Variants in ABCA4 observed in about 807,000 individuals in gnomAD.
The protein encoded by ABCA4 is ATP binding cassette subfamily A member 4, also known as retinal-specific phospholipid-transporting ATPase ABCA4.
In ABCA4, 196 loss-of-function variants were observed where a neutral mutation model predicts 263.7. That is an observed-to-expected ratio of 0.74 (90% CI 0.66 to 0.84). ABCA4 has a LOEUF of 0.84. ABCA4 is among the 40% of genes least tolerant of loss of function. The pLI is 0.00. For missense variants in ABCA4, 2,792 were observed against 2,855.1 expected (o/e 0.98, Z 0.50); for synonymous variants, 1,133 against 1,094.2 (o/e 1.04, Z -0.70).
chr1:94,114,639 A>C (rs1570435611), intron 1 of ABCA4, among the ~76,000 whole-genome samples: 1 of 152,102 alleles, frequency 6.6e-6, no homozygotes, highest in East Asian at 1.9e-4. Flanking sequence ...GGTGCCCACC[A>C]CCATGCCCGG....
At chr1:94,015,443 T>C (rs1002633085) in intron 37 of ABCA4, among the ~76,000 whole-genome samples, 7 of 141,610 alleles carry the variant, frequency 4.9e-5, no homozygotes, top group African/African-American at 1.9e-4. Flanking sequence ...GGTTGGGGAA[T>C]GGCTGCCCCC....
intron 22 of ABCA4, 77 bp downstream of exon 22, chr1:94,042,684 T>C: frequency 1.3e-6 from 2 of 1,592,640 alleles, no homozygotes; most frequent in Non-Finnish European, 1.7e-6. Context: ...AGCTACAAAA[T>C]GGCAGGTGAG....
intron 2 of ABCA4, among the ~76,000 whole-genome samples, chr1:94,112,715 A>T (rs186931162): frequency 5.3e-5 from 8 of 152,342 alleles, no homozygotes; most frequent in Non-Finnish European, 1.2e-4. Context: ...GGATCACTTG[A>T]GCCCAAGAGA....
rs145631496 is a variant in ABCA4 at position 94,060,061 on chromosome 1, A to G, written c.2160+476T>C. ...TGGTGAAGCCATGTAGGAGGTGACC[A>G]TGATGATGATAAGTAAATAATCCAG... is the stretch of plus-strand genomic sequence containing the variant. On this transcript the variant is annotated intron_variant, in intron 14 of 49. Transcript: ENST00000370225. Among the ~76,000 whole-genome samples, 84 of 152,322 alleles carry G rather than the reference A, an allele frequency of 5.5e-4. 1 individual carries two copies. The East Asian group carries it at 0.016, about 28-fold the overall frequency.
chr1:94,031,700 G>A, intron 27 of ABCA4, 78 bp downstream of exon 27: 1 of 1,587,102 alleles, frequency 6.3e-7, no homozygotes, highest in South Asian at 1.1e-5. Context: ...ACCCATGCCT[G>A]AAGGAACACT....
chr1:94,017,657 T>C (rs1327844480), intron 36 of ABCA4, among the ~76,000 whole-genome samples: 1 of 152,034 alleles, frequency 6.6e-6, no homozygotes, highest in Admixed American at 6.5e-5. Context: ...TGTTGACAGT[T>C]TGTGTTGTGG....
In ABCA4 at chr1:94,025,029, T is replaced by C; in HGVS notation, c.4559A>G (p.Glu1520Gly). The change falls in exon 31 of 50, where the codon GAA becomes GGA. Residue 1520 changes from glutamate (E) to glycine (G), a missense_variant. Coordinates refer to ENST00000370225, the MANE Select transcript of ABCA4 (RefSeq NM_000350.3). ...CCTGTCCGTCAGGTCTTGTAGAATT[T>C]CCGTGCTGCGCTGTGTTCTCTGAGG... The part of the protein sequence containing the change: ...PPPQRTQRST[E>G]ILQDLTDRNI... 1.2e-6 allele frequency: 2 copies of C among 1,614,226 alleles called. No homozygotes were observed. Among genetic ancestry groups the C allele is most frequent in the Non-Finnish European group, 1.7e-6 (2 of 1,180,032 alleles).
intron 17 of ABCA4, among the ~76,000 whole-genome samples, chr1:94,049,930 G>T (rs1174289500): frequency 3.9e-5 from 6 of 152,140 alleles, no homozygotes; most frequent in African/African-American, 1.4e-4. Context: ...GAGCAGAAGG[G>T]CCAGTCAGTC....
chr1:94,107,153 AC>A (rs1662456226), intron 4 of ABCA4, among the ~76,000 whole-genome samples: 1 of 151,986 alleles, frequency 6.6e-6, no homozygotes, highest in African/African-American at 2.4e-5. Flanking sequence ...CCCCTGGTAG[AC>A]CCCTTGGTGA....
intron 6 of ABCA4, among the ~76,000 whole-genome samples, chr1:94,088,314 C>G (rs1405562587): frequency 6.6e-6 from 1 of 152,204 alleles, no homozygotes. Flanking sequence ...AACTGTACCT[C>G]TACCTTCCCC....
chr1:94,029,021 A>G (rs1180977578), intron 30 of ABCA4, among the ~76,000 whole-genome samples: 1 of 151,990 alleles, frequency 6.6e-6, no homozygotes, highest in Non-Finnish European at 1.5e-5. Flanking sequence ...TAAATTATGC[A>G]GTAAATCAGA....
intron 11 of ABCA4, among the ~76,000 whole-genome samples, chr1:94,072,401 A>G (rs182810692): frequency 3.0e-4 from 45 of 152,236 alleles, no homozygotes; most frequent in Non-Finnish European, 6.0e-4. Flanking sequence ...GTGAAATTCA[A>G]GACCTGAAAA....
intron 5 of ABCA4, among the ~76,000 whole-genome samples, chr1:94,101,116 A>G (rs1323176663): frequency 1.3e-5 from 2 of 152,262 alleles, no homozygotes; most frequent in African/African-American, 4.8e-5. Flanking sequence ...ATTCTCCAAC[A>G]TGAAAGGCCT....
intron 8 of ABCA4, among the ~76,000 whole-genome samples, chr1:94,079,790 C>T (rs1371834756): frequency 1.3e-5 from 2 of 152,150 alleles, no homozygotes. Flanking sequence ...GACTGAGAGG[C>T]CAAACAAGGC....
In ABCA4 at chr1:94,010,909, G is replaced by A; in HGVS notation, c.5605C>T (p.Pro1869Ser). ...ARFGEEHSAN[P>S]FHWDLIGKNL... ...TTCCCAATCAGGTCCCAGTGGAACG[G>A]ATTTGCAGAGTGCTCCTCACCTGGG... The change falls in exon 40 of 50, where the codon CCG becomes TCG. Residue 1869 changes from proline (P) to serine (S), a missense_variant. Transcript: ENST00000370225. The A allele has an allele frequency of 6.2e-7, 1 of 1,614,108 alleles. No individual in the cohort carries two copies. The highest frequency in any genetic ancestry group is 1.1e-5 in the South Asian group (1 of 91,082).
At chr1:94,036,596 C>T (rs1044204480) in intron 26 of ABCA4, 144 bp downstream of exon 26, 149 of 855,652 alleles carry the variant, frequency 1.7e-4, no homozygotes, top group East Asian at 2.7e-4. Flanking sequence ...AGGCTGGTCT[C>T]GAACTCAGGT....
chr1:94,106,937 G>T (rs1048990649), intron 4 of ABCA4, among the ~76,000 whole-genome samples: 1 of 152,142 alleles, frequency 6.6e-6, no homozygotes. Context: ...AGCCCTCTGA[G>T]GGCTGGCATT....
At position 93,992,940 on chromosome 1, in the gene ABCA4, A is replaced by G; in HGVS notation, c.*297T>C. 2.0e-6 allele frequency: 1 copy of G among 490,060 alleles called. No homozygotes were observed. Among genetic ancestry groups the G allele is most frequent in the Non-Finnish European group, 3.7e-6 (1 of 268,598 alleles). The allele number at this position is 490,060 out of a possible 1,614,324, so 30.4% of individuals were successfully genotyped here. A position where few individuals can be genotyped will look rare whatever the true frequency, so the allele number is the denominator to read the frequency against. On this transcript the variant is annotated 3_prime_UTR_variant, in exon 50 of 50. Transcript: ENST00000370225. ...AGCAGATCTGCTTGAAATGAGAGCA[A>G]TATGGAGGCCAAAGCTGCTAGTGGG...
At chr1:94,015,420 G>A (rs1659703698) in intron 37 of ABCA4, among the ~76,000 whole-genome samples, 1 of 150,512 alleles carries the variant, frequency 6.6e-6, no homozygotes, top group African/African-American at 2.5e-5. Context: ...GTGAGAGTCA[G>A]AGCTGGGTGA....
Sources: gnomAD v4.1 joint callset for allele counts (sites outside exome capture counted in the v4.1 genomes callset) on GRCh38, gnomAD v4.1.1 for gene constraint, MANE v1.5 for transcripts, NCBI Gene and HGNC (gene_info 2026-07-23, HGNC 2026-07-21) for gene names.